The following TNKS variants were observed in gnomAD, a reference collection of about 807,000 sequenced individuals.
The protein encoded by TNKS is poly [ADP-ribose] polymerase tankyrase-1.
A neutral mutation model predicts 135.8 loss-of-function variants in TNKS; 72 were observed. That is an observed-to-expected ratio of 0.53 (90% CI 0.44 to 0.64). The LOEUF is 0.64. Ranked by LOEUF, TNKS falls within the 30% of genes least tolerant of loss-of-function variation. The pLI is 0.00. For synonymous variants in TNKS, 849 were observed against 649.3 expected (o/e 1.31, Z -4.68); for missense variants, 1,769 against 1,674.0 (o/e 1.06, Z -0.99).
At chr8:9,657,467 G>T in intron 3 of TNKS, among the ~76,000 whole-genome samples, 1 of 90,316 alleles carries the variant, frequency 1.1e-5, no homozygotes, top group Non-Finnish European at 2.4e-5. Flanking sequence ...GGCTGGCCGG[G>T]CGGGGGGCTG....
At chr8:9,640,437 A>G (rs1402549193) in intron 3 of TNKS, among the ~76,000 whole-genome samples, 3 of 145,364 alleles carry the variant, frequency 2.1e-5, no homozygotes, top group Non-Finnish European at 4.5e-5. Context: ...TTCAAACCAT[A>G]TCATAAAGCT....
chr8:9,654,820 C>T (rs372948346), intron 3 of TNKS, among the ~76,000 whole-genome samples: 10 of 152,194 alleles, frequency 6.6e-5, no homozygotes, highest in South Asian at 4.1e-4. Context: ...CCAGCGTGAG[C>T]GACACAGAAG....
At chr8:9,747,976 C>G (rs1373532670) in intron 17 of TNKS, 48 bp from the exon 18 acceptor site, 3 of 1,532,156 alleles carry the variant, frequency 2.0e-6, no homozygotes, top group Middle Eastern at 1.8e-4. Context: ...TGGTGCTTTA[C>G]CAGATGATCT....
chr8:9,749,740 C>T (rs540179858), intron 18 of TNKS, among the ~76,000 whole-genome samples: 1 of 152,268 alleles, frequency 6.6e-6, no homozygotes, highest in South Asian at 2.1e-4. Context: ...TCCTCAGCCT[C>T]CCAAAGTGCT....
chr8:9,609,511 C>T (rs1799367414), intron 2 of TNKS, among the ~76,000 whole-genome samples: 1 of 152,146 alleles, frequency 6.6e-6, no homozygotes, highest in Non-Finnish European at 1.5e-5. Context: ...TATTGCTCTT[C>T]CCCTGATTCC....
At chr8:9,601,924 C>T (rs908448614) in intron 2 of TNKS, among the ~76,000 whole-genome samples, 47 of 152,140 alleles carry the variant, frequency 3.1e-4, no homozygotes, top group African/African-American at 1.1e-3. Flanking sequence ...TATATAAAAG[C>T]GTTCAGAGGC....
chr8:9,759,406 C>A (rs1483527662), intron 20 of TNKS, among the ~76,000 whole-genome samples: 2 of 152,200 alleles, frequency 1.3e-5, no homozygotes, highest in Admixed American at 6.5e-5. Flanking sequence ...ACAGTGAAGA[C>A]ACAAATGCCA....
intron 2 of TNKS, among the ~76,000 whole-genome samples, chr8:9,591,340 A>T (rs577755196): frequency 4.2e-4 from 64 of 152,252 alleles, no homozygotes; most frequent in African/African-American, 1.4e-3. Context: ...TGGATGTAGC[A>T]CAGTTGGTGG....
chr8:9,652,135 A>C (rs1801169610), intron 3 of TNKS, among the ~76,000 whole-genome samples: 1 of 152,248 alleles, frequency 6.6e-6, no homozygotes, highest in African/African-American at 2.4e-5. Flanking sequence ...TGAAGCTGTT[A>C]GAAGTCAATA....
At chr8:9,571,734 G>T (rs34319155) in intron 1 of TNKS, among the ~76,000 whole-genome samples, 21,744 of 152,150 alleles carry the variant, frequency 0.14, 1,764 homozygotes, top group Admixed American at 0.24. Flanking sequence ...AAAGTGCTGG[G>T]ATCACAGACG....
At chr8:9,608,433 A>ATTTT (rs548082654) in intron 2 of TNKS, among the ~76,000 whole-genome samples, 7 of 147,768 alleles carry the variant, frequency 4.7e-5, no homozygotes, top group African/African-American at 1.7e-4. Flanking sequence ...TAACAAGGCG[A>ATTTT]TTTTTTTTTT....
rs535715245 is a variant in TNKS at position 9,560,493 on chromosome 8, C to CTTTTTTTTTTTTTTTTTTT, written c.673+3893_673+3911dup. Among the ~76,000 whole-genome samples the CTTTTTTTTTTTTTTTTTTT allele has an allele frequency of 1.9e-4, 8 of 42,312 alleles. 1 individual carries two copies. Among genetic ancestry groups the CTTTTTTTTTTTTTTTTTTT allele is most frequent in the Admixed American group, 2.6e-4 (1 of 3,798 alleles). 27.8% of individuals were successfully genotyped at this position (42,312 alleles called of 152,430 possible). On this transcript the variant is annotated intron_variant, in intron 1 of 26. Transcript: ENST00000310430. ...GATTTTTCAGCATGGCCATACTTGT[C>CTTTTTTTTTTTTTTTTTTT]TTTTTTTTTTTTTTTTTTTTTTTTT...
intron 11 of TNKS, among the ~76,000 whole-genome samples, chr8:9,710,574 A>G (rs1804276951): frequency 6.6e-6 from 1 of 152,204 alleles, no homozygotes; most frequent in Non-Finnish European, 1.5e-5. Flanking sequence ...ATGTTAAATG[A>G]TAGCATCAGA....
intron 6 of TNKS, among the ~76,000 whole-genome samples, chr8:9,705,405 C>T (rs1472773148): frequency 1.3e-5 from 2 of 152,196 alleles, no homozygotes; most frequent in African/African-American, 4.8e-5. Flanking sequence ...ATTAACCCTA[C>T]TACCCAGGTA....
rs772098188 is a variant in TNKS at position 9,734,875 on chromosome 8, A to T, written c.2324A>T (p.Asp775Val). 1.2e-6 allele frequency: 2 copies of T among 1,613,936 alleles called. No homozygotes were observed. ...ICKLLLKHGA[D>V]PTKKNRDGNT... Reference sequence around the variant, plus strand: ...TTTTCTTCTTTGTAGCATGGAGCAGATCCAACTAAAAAGAACAGAGATGGA... The same window carrying T: ...TTTTCTTCTTTGTAGCATGGAGCAGTTCCAACTAAAAAGAACAGAGATGGA... Residue 775 changes from aspartate to valine, a missense_variant, in exon 16 of 27, where the codon GAT becomes GTT. Physicochemically the swap from Asp to Val is radical, Grantham distance 152. Transcript: ENST00000310430.
chr8:9,655,257 G>C (rs1205663422), intron 3 of TNKS, among the ~76,000 whole-genome samples: 1 of 152,188 alleles, frequency 6.6e-6, no homozygotes, highest in African/African-American at 2.4e-5. Flanking sequence ...ACTCGAACTG[G>C]GTGGAGCCCA....
At chr8:9,598,772 T>C (rs1798900062) in intron 2 of TNKS, among the ~76,000 whole-genome samples, 2 of 8,902 alleles carry the variant, frequency 2.2e-4, no homozygotes. Context: ...TGTGTATATA[T>C]ATATATATAT....
At chr8:9,691,812 T>C (rs1253829644) in intron 5 of TNKS, among the ~76,000 whole-genome samples, 1 of 152,244 alleles carries the variant, frequency 6.6e-6, no homozygotes, top group Non-Finnish European at 1.5e-5. Context: ...TTATTTTATT[T>C]AGTCATTGCT....
At chr8:9,722,090 C>A (rs576836653) in intron 12 of TNKS, among the ~76,000 whole-genome samples, 1 of 150,884 alleles carries the variant, frequency 6.6e-6, no homozygotes, top group Non-Finnish European at 1.5e-5. Flanking sequence ...GAAAAAAATG[C>A]CCTAACTATA....
Sources: allele counts gnomAD v4.1 joint callset (sites outside exome capture counted in the v4.1 genomes callset), GRCh38; gene constraint gnomAD v4.1.1; transcripts MANE v1.5; gene names NCBI Gene and HGNC (gene_info 2026-07-23, HGNC 2026-07-21).